Variants in DYNC1H1 observed in about 807,000 individuals in gnomAD.
DYNC1H1 encodes cytoplasmic dynein 1 heavy chain 1.
DYNC1H1 carries 51 observed loss-of-function variants against 527.1 expected under a neutral mutation model. The ratio of observed to expected loss-of-function variants is 0.10; its 90% CI spans 0.08 to 0.12. The LOEUF (loss-of-function observed/expected upper bound fraction) is 0.12, where lower values mean the gene tolerates loss of function less well. DYNC1H1 is among the 10% of genes least tolerant of loss of function. DYNC1H1 has a pLI of 1.00. For synonymous variants in DYNC1H1, 2,189 were observed against 2,278.8 expected, an observed-to-expected ratio of 0.96 and a Z score of 1.12; for missense variants, 2,771 against 5,971.8, an observed-to-expected ratio of 0.46 and a Z score of 17.66.
At position 102,001,115 on chromosome 14, in the gene DYNC1H1, C is replaced by G; in HGVS notation, c.4186-30C>G. 6.2e-7 allele frequency: 1 copy of G among 1,614,132 alleles called. No homozygotes were observed. Among genetic ancestry groups the G allele is most frequent in the Non-Finnish European group, 8.5e-7 (1 of 1,180,008 alleles). On this transcript the variant is annotated intron_variant, in intron 19 of 77. Transcript: ENST00000360184. This position sits in a 1 kb window ranked among gnomAD's most constrained non-coding sequence, Gnocchi z 5.0. ...TGAGTGTCCATTAGAAACGCACCTG[C>G]ACAGATCACTTTGTTTACTTTCTCC... is the stretch of plus-strand genomic sequence containing the variant.
At chr14:102,031,501 C>G (rs1422901683) in intron 51 of DYNC1H1, among the ~76,000 whole-genome samples, 1 of 152,170 alleles carries the variant, frequency 6.6e-6, no homozygotes, top group Non-Finnish European at 1.5e-5. Context: ...TCCAGAAGTA[C>G]TAAGATGTGT....
chr14:101,974,718 T>G (rs1479959475), intron 1 of DYNC1H1, among the ~76,000 whole-genome samples: 5 of 152,094 alleles, frequency 3.3e-5, no homozygotes, highest in Non-Finnish European at 7.3e-5. Flanking sequence ...ATTAAAAAAT[T>G]GAGACATGGT....
At chr14:101,968,223 G>C (rs1228582910) in intron 1 of DYNC1H1, among the ~76,000 whole-genome samples, 1 of 152,174 alleles carries the variant, frequency 6.6e-6, no homozygotes, top group African/African-American at 2.4e-5. Context: ...TGGCTGCTAG[G>C]TTGGTTGGTC....
chr14:101,994,679 C>T lies in DYNC1H1; in HGVS notation c.3163C>T (p.Leu1055Phe). The T allele has an allele frequency of 6.2e-7, 1 of 1,614,146 alleles. No homozygotes were observed. Among genetic ancestry groups the T allele is most frequent in the Non-Finnish European group, 8.5e-7 (1 of 1,180,032 alleles). ...CTGTGTTCTTCATTTGCAGGTTTGG[C>T]TTCAGTATCAGTGTTTATGGGATAT... Reference protein sequence around the residue: ...SEVEQYVKVWLQYQCLWDMQA... With the variant: ...SEVEQYVKVWFQYQCLWDMQA... Residue 1055 changes from leucine to phenylalanine, a missense_variant, in exon 13 of 78, where the codon CTT (leucine) becomes TTT (phenylalanine). Physicochemically the swap from Leu to Phe is conservative, Grantham distance 22. Coordinates refer to ENST00000360184, the MANE Select transcript of DYNC1H1 (RefSeq NM_001376.5).
In DYNC1H1 at chr14:102,018,236, G is replaced by A. The variant is rs185295305; in HGVS notation, c.8178-215G>A. Among the ~76,000 whole-genome samples the A allele has an allele frequency of 6.6e-6, 1 of 152,352 alleles. No homozygotes were observed. The highest frequency in any genetic ancestry group is 2.4e-5 in the African/African-American group (1 of 41,580). On this transcript the variant is annotated intron_variant, in intron 40 of 77. Transcript: ENST00000360184. The surrounding 1 kb of genome is among the most constrained non-coding windows in gnomAD (Gnocchi z 5.2). ...CCTTGGTTATTTTTTCATCTTTGCT[G>A]GTTTTTCAAGTGTTTTCCATCGACT... is the stretch of plus-strand genomic sequence containing the variant.
Position 101,964,943 on chromosome 14 carries a change from C to T in DYNC1H1, c.252C>T (p.Leu84=). The change falls in exon 1 of 78, where the codon CTC becomes CTT. Residue 84 remains leucine (L), a synonymous_variant. Transcript: ENST00000360184. This position sits in a 1 kb window ranked among gnomAD's most constrained non-coding sequence, Gnocchi z 5.5. ...CGGTGCTGGTGGAGCGCTCCACGCT[C>T]AAAGGTGCGGGGCCGCGGAGGGCAG... ...VHTVLVERST[L]KEDVGDEGEE... is the part of the protein sequence containing the mutation. 1 of 1,596,422 alleles carries T rather than the reference C, an allele frequency of 6.3e-7. No homozygotes were observed. Among genetic ancestry groups the T allele is most frequent in the Non-Finnish European group, 8.5e-7 (1 of 1,172,884 alleles).
At chr14:102,048,831 A>AGG in intron 74 of DYNC1H1, 162 bp downstream of exon 74, 3 of 346,888 alleles carry the variant, frequency 8.6e-6, no homozygotes, top group African/African-American at 6.8e-5. Flanking sequence ...GGGGGAGGGG[A>AGG]GGAGCTTAGA....
rs775083305 is a variant in DYNC1H1 at position 102,028,055 on chromosome 14, G to C, written c.9382G>C (p.Val3128Leu). Reference protein sequence around the residue: ...PNYIVPDYMPVVYDKLPQPPS... With the variant: ...PNYIVPDYMPLVYDKLPQPPS... ...TTACATCGTGCCTGATTACATGCCAGTTGTGTATGATAAGCTGCCGCAGCC... is the reference window on the plus strand; with the variant it reads ...TTACATCGTGCCTGATTACATGCCACTTGTGTATGATAAGCTGCCGCAGCC... The change falls in exon 48 of 78, where the codon GTT (valine) becomes CTT (leucine). Residue 3128 changes from valine (V) to leucine (L), a missense_variant. Coordinates refer to ENST00000360184, the MANE Select transcript of DYNC1H1 (RefSeq NM_001376.5). 6 of 1,614,102 alleles carry C rather than the reference G, an allele frequency of 3.7e-6. No individual in the cohort carries two copies. In the South Asian group the frequency reaches 6.6e-5, roughly 18 times the overall value.
chr14:101,999,394 T>C (rs909185623), intron 16 of DYNC1H1, among the ~76,000 whole-genome samples: 1 of 152,178 alleles, frequency 6.6e-6, no homozygotes, highest in African/African-American at 2.4e-5. Context: ...CTCCCCGCCT[T>C]CACCTCCCAA....
chr14:102,028,796 T>C (rs1166152109), intron 48 of DYNC1H1: 2 of 163,234 alleles, frequency 1.2e-5, no homozygotes, highest in Non-Finnish European at 2.7e-5. Flanking sequence ...AGCCAGATCA[T>C]AAATGTTTTA....
rs552156575 is a variant in DYNC1H1, at chr14:101,978,066, T to C, written c.345-1253T>C. Among the ~76,000 whole-genome samples the C allele has an allele frequency of 5.3e-5, 8 of 152,274 alleles. No individual in the cohort carries two copies. The East Asian group carries it at 1.5e-3, about 29-fold the overall frequency. On this transcript the variant is annotated intron_variant, in intron 2 of 77. Transcript: ENST00000360184. ...CACACCTGGCTAATTTTTTTTTCTT[T>C]CTTCTTGAGACGAAGTCTCGCTCTG... is the stretch of plus-strand genomic sequence containing the variant.
intron 10 of DYNC1H1, 78 bp downstream of exon 10, chr14:101,988,930 G>T: frequency 6.3e-7 from 1 of 1,579,260 alleles, no homozygotes; most frequent in Non-Finnish European, 8.6e-7. Flanking sequence ...CTATGGAAAG[G>T]TCACTTAGTG....
Position 102,048,580 on chromosome 14 carries a change from G to A in DYNC1H1, c.13283G>A (p.Arg4428His), listed in dbSNP as rs762496944. 9.3e-6 allele frequency: 15 copies of A among 1,614,188 alleles called. No individual in the cohort carries two copies. The highest frequency in any genetic ancestry group is 4.5e-5 in the East Asian group (2 of 44,880). Residue 4428 changes from arginine (R) to histidine (H), a missense_variant, in exon 74 of 78, where the codon CGC becomes CAC. This residue lies in a region of DYNC1H1 where 170 missense variants were observed against 249.8 expected (regional missense o/e 0.68). Transcript: ENST00000360184. ...GGCGCAAAGCTGCTTCAGGACGTTC[G>A]CCAGGACCTTGCAGATGTCGTCCAG... ...KMGAKLLQDV[R>H]QDLADVVQVC... is the part of the protein sequence containing the mutation.
In DYNC1H1 at chr14:102,027,340, C is replaced by G; in HGVS notation, c.8887-43C>G. Reference sequence around the variant, plus strand: ...CCCAGCAACAGATGTGTGTGCAGAGCTCAGTGAGTAGGAATGGACCTAACT... The same window carrying G: ...CCCAGCAACAGATGTGTGTGCAGAGGTCAGTGAGTAGGAATGGACCTAACT... On this transcript the variant is annotated intron_variant, in intron 45 of 77. Coordinates refer to ENST00000360184, the MANE Select transcript of DYNC1H1 (RefSeq NM_001376.5). The surrounding 1 kb of genome is among the most constrained non-coding windows in gnomAD (Gnocchi z 7.7). 1 of 1,614,086 alleles carries G rather than the reference C, an allele frequency of 6.2e-7. No homozygotes were observed. The highest frequency in any genetic ancestry group is 2.2e-5 in the East Asian group (1 of 44,876).
rs1490450015 is a variant in DYNC1H1, at chr14:101,985,892, G to A, written c.1667G>A (p.Arg556Lys). The A allele has an allele frequency of 1.2e-6, 2 of 1,614,222 alleles. No homozygotes were observed. Among genetic ancestry groups the A allele is most frequent in the East Asian group, 2.2e-5 (1 of 44,884 alleles). ...WEAAMKRYDERIDRVETRITA... is the reference protein window; with the variant it reads ...WEAAMKRYDEKIDRVETRITA... ...GCTGCTATGAAGAGGTACGATGAGAGGATCGACAGAGTGGAGACCCGGATC... is the reference window on the plus strand; with the variant it reads ...GCTGCTATGAAGAGGTACGATGAGAAGATCGACAGAGTGGAGACCCGGATC... Residue 556 changes from arginine (R) to lysine (K), a missense_variant, in exon 8 of 78, where the codon AGG (arginine) becomes AAG (lysine). This residue lies in a region of DYNC1H1 where 264 missense variants were observed against 619.4 expected (regional missense o/e 0.43). Coordinates refer to ENST00000360184, the MANE Select transcript of DYNC1H1 (RefSeq NM_001376.5). This position sits in a 1 kb window ranked among gnomAD's most constrained non-coding sequence, Gnocchi z 5.9.
Position 102,049,865 on chromosome 14 carries a change from G to C in DYNC1H1, c.13667G>C (p.Cys4556Ser). The change falls in exon 76 of 78, where the codon TGC becomes TCC. Residue 4556 changes from cysteine to serine, a missense_variant. This residue lies in a region of DYNC1H1 where 106 missense variants were observed against 139.2 expected (regional missense o/e 0.76). Coordinates refer to ENST00000360184, the MANE Select transcript of DYNC1H1 (RefSeq NM_001376.5). This position sits in a 1 kb window ranked among gnomAD's most constrained non-coding sequence, Gnocchi z 5.5. Reference protein sequence around the residue: ...TTSQGATLDACSFGVTGLKLQ... With the variant: ...TTSQGATLDASSFGVTGLKLQ... Reference sequence around the variant, plus strand: ...TCACAGGGCGCCACCCTTGACGCTTGCAGCTTCGGAGTCACGGGTGAGTGG... The same window carrying C: ...TCACAGGGCGCCACCCTTGACGCTTCCAGCTTCGGAGTCACGGGTGAGTGG... 1 of 1,613,914 alleles carries C rather than the reference G, an allele frequency of 6.2e-7. No homozygotes were observed. Among genetic ancestry groups the C allele is most frequent in the Non-Finnish European group, 8.5e-7 (1 of 1,180,030 alleles).
intron 11 of DYNC1H1, among the ~76,000 whole-genome samples, chr14:101,992,699 G>A (rs1036184425): frequency 1.3e-5 from 2 of 152,100 alleles, no homozygotes; most frequent in Non-Finnish European, 2.9e-5. Flanking sequence ...GCACTGCTCT[G>A]TGTGATCGCC....
rs1311056505 is a variant in DYNC1H1 at position 102,029,624 on chromosome 14, A to C, written c.9554A>C (p.Asn3185Thr). 21 of 1,614,108 alleles carry C rather than the reference A, an allele frequency of 1.3e-5. No individual in the cohort carries two copies. Among genetic ancestry groups the C allele is most frequent in the Non-Finnish European group, 1.5e-5 (18 of 1,180,056 alleles). Residue 3185 changes from asparagine to threonine, a missense_variant, in exon 49 of 78, where the codon AAC becomes ACC. This residue lies in a region of DYNC1H1 where 67 missense variants were observed against 128.2 expected (regional missense o/e 0.52). Coordinates refer to ENST00000360184, the MANE Select transcript of DYNC1H1 (RefSeq NM_001376.5). This position sits in a 1 kb window ranked among gnomAD's most constrained non-coding sequence, Gnocchi z 5.3. ...CTGGACTTCATCAATCACTATGCCAACCTGTTCCACGAGAAGCGGAGCGAG... is the reference window on the plus strand; with the variant it reads ...CTGGACTTCATCAATCACTATGCCACCCTGTTCCACGAGAAGCGGAGCGAG... ...HYLDFINHYA[N>T]LFHEKRSELE...
chr14:101,973,154 A>G (rs1166702432), intron 1 of DYNC1H1, among the ~76,000 whole-genome samples: 3 of 152,026 alleles, frequency 2.0e-5, no homozygotes, highest in Non-Finnish European at 4.4e-5. Flanking sequence ...AAATATACCC[A>G]AAACAATAAT....
Sources: allele counts gnomAD v4.1 joint callset (sites outside exome capture counted in the v4.1 genomes callset), GRCh38; gene constraint gnomAD v4.1.1; regional missense constraint gnomAD v4.1.1; non-coding constraint Gnocchi (gnomAD v3.1); transcripts MANE v1.5; gene names NCBI Gene and HGNC (gene_info 2026-07-23, HGNC 2026-07-21).